NDST4: variants seen among roughly 807,000 people sequenced by gnomAD.
NDST4 encodes the protein N-heparan sulfate sulfotransferase 4.
A neutral mutation model predicts 100.8 loss-of-function variants in NDST4; 63 were observed. The observed-to-expected ratio is 0.62, with a 90% CI of 0.51 to 0.77. The LOEUF (loss-of-function observed/expected upper bound fraction) is 0.77. Ranked by LOEUF, NDST4 falls within the 30% of genes least tolerant of loss-of-function variation. The probability of loss-of-function intolerance (pLI) is 0.00; values close to 1 mark genes in which losing one functional copy is unlikely to be tolerated. For synonymous variants in NDST4, 377 were observed against 361.8 expected, an observed-to-expected ratio of 1.04 and a Z score of -0.48; for missense variants, 943 against 1,018.4, an observed-to-expected ratio of 0.93 and a Z score of 1.01.
chr4:114,858,622 C>A (rs886196121), intron 7 of NDST4, among the ~76,000 whole-genome samples: 2 of 152,170 alleles, frequency 1.3e-5, no homozygotes, highest in Middle Eastern at 3.2e-3. Context: ...TTAAGGAATA[C>A]ACTATATCAC....
chr4:114,829,812 T>A lies in NDST4; in HGVS notation c.2477A>T (p.Lys826Ile), dbSNP rs778196420. The A allele has an allele frequency of 1.6e-5, 25 of 1,611,158 alleles. No homozygotes were observed. Among genetic ancestry groups the A allele is most frequent in the Non-Finnish European group, 2.1e-5 (25 of 1,179,276 alleles). The change falls in exon 13 of 14, where the codon AAA (lysine) becomes ATA (isoleucine). Residue 826 changes from lysine (K) to isoleucine (I), a missense_variant. Physicochemically the swap from Lys to Ile is moderately radical, Grantham distance 102. Around this residue, in one of 2 missense-constraint regions of NDST4, gnomAD observed 526 missense variants for 634.1 expected, o/e 0.83. Coordinates refer to ENST00000264363, the MANE Select transcript of NDST4 (RefSeq NM_022569.3). ...TKCLGKSKGR[K>I]YPPMDPESRT... Reference sequence around the variant, plus strand: ...TACCTCTGGATCCATAGGTGGATATTTTCGGCCTTTGCTTTTTCCAAGGCA... The same window carrying A: ...TACCTCTGGATCCATAGGTGGATATATTCGGCCTTTGCTTTTTCCAAGGCA...
chr4:115,036,994 G>T lies in NDST4; in HGVS notation c.978+39065C>A, dbSNP rs76723090. ...AAAATAGCTTTTTATATATTATTTTGCTTGATAAATTATGTGTTTTAATAG... is the reference window on the plus strand; with the variant it reads ...AAAATAGCTTTTTATATATTATTTTTCTTGATAAATTATGTGTTTTAATAG... On this transcript the variant is annotated intron_variant, in intron 2 of 13. Transcript: ENST00000264363. Among the ~76,000 whole-genome samples the T allele has an allele frequency of 9.1e-3, 1,389 of 151,888 alleles. 7 individuals carry two copies. The highest frequency in any genetic ancestry group is 0.014 in the Non-Finnish European group (983 of 67,842).
chr4:114,929,863 T>C (rs1725476366), intron 6 of NDST4, among the ~76,000 whole-genome samples: 1 of 152,128 alleles, frequency 6.6e-6, no homozygotes, highest in Admixed American at 6.6e-5. Context: ...TATTGACAAA[T>C]AGACAAACAT....
At position 115,063,268 on chromosome 4, in the gene NDST4, T is replaced by C. The variant is rs576850501; in HGVS notation, c.978+12791A>G. Reference sequence around the variant, plus strand: ...GATTTATTTGGGGGAGAAAAAGTGATGGGTAGAAATCATCAATCCCAGCAA... The same window carrying C: ...GATTTATTTGGGGGAGAAAAAGTGACGGGTAGAAATCATCAATCCCAGCAA... On this transcript the variant is annotated intron_variant, in intron 2 of 13. Coordinates refer to ENST00000264363, the MANE Select transcript of NDST4 (RefSeq NM_022569.3). 3.3e-5 allele frequency among the ~76,000 whole-genome samples: 5 copies of C among 152,062 alleles called. No individual in the cohort carries two copies. The South Asian group carries it at 8.3e-4, about 25-fold the overall frequency.
At chr4:114,888,154 G>A (rs926769140) in intron 6 of NDST4, among the ~76,000 whole-genome samples, 1 of 152,010 alleles carries the variant, frequency 6.6e-6, no homozygotes, top group Non-Finnish European at 1.5e-5. Context: ...AATGAGCCGA[G>A]ATGGTGCCAC....
intron 2 of NDST4, among the ~76,000 whole-genome samples, chr4:115,001,767 G>A (rs1727294769): frequency 1.3e-5 from 2 of 152,080 alleles, no homozygotes; most frequent in Admixed American, 1.3e-4. Context: ...TGTAAATGAT[G>A]CCTTGTTTTC....
chr4:115,053,830 C>T (rs1728637737), intron 2 of NDST4, among the ~76,000 whole-genome samples: 1 of 152,104 alleles, frequency 6.6e-6, no homozygotes, highest in South Asian at 2.1e-4. Flanking sequence ...GGTTCTCTAC[C>T]TTCCTGTAAC....
chr4:115,036,829 G>A (rs899125260), intron 2 of NDST4, among the ~76,000 whole-genome samples: 4 of 151,786 alleles, frequency 2.6e-5, no homozygotes, highest in Admixed American at 6.6e-5. Context: ...GCATTACATT[G>A]ATATTAAATA....
chr4:115,102,025 A>C (rs1729740193), intron 1 of NDST4, among the ~76,000 whole-genome samples: 1 of 152,178 alleles, frequency 6.6e-6, no homozygotes, highest in Non-Finnish European at 1.5e-5. Context: ...GACATGATCA[A>C]CTTTGTCCTT....
At chr4:114,850,235 G>A (rs1723643662) in intron 8 of NDST4, among the ~76,000 whole-genome samples, 1 of 152,164 alleles carries the variant, frequency 6.6e-6, no homozygotes, top group East Asian at 1.9e-4. Context: ...ACACTTTATA[G>A]CCTCACTCAG....
intron 2 of NDST4, among the ~76,000 whole-genome samples, chr4:115,033,121 A>G (rs1322121328): frequency 1.7e-5 from 2 of 117,204 alleles, no homozygotes; most frequent in African/African-American, 3.7e-5. Context: ...CAAAAATTAT[A>G]TATATATGTG....
At chr4:115,032,511 GAA>G (rs1728136684) in intron 2 of NDST4, among the ~76,000 whole-genome samples, 1 of 152,188 alleles carries the variant, frequency 6.6e-6, no homozygotes, top group South Asian at 2.1e-4. Flanking sequence ...AACCAAAAAA[GAA>G]GAGATAATAA....
chr4:114,838,018 C>T (rs1490704115), intron 11 of NDST4, among the ~76,000 whole-genome samples: 1 of 152,146 alleles, frequency 6.6e-6, no homozygotes, highest in Non-Finnish European at 1.5e-5. Context: ...AGTATATGAA[C>T]AGACACTTCT....
At chr4:114,916,606 G>A (rs1370942751) in intron 6 of NDST4, among the ~76,000 whole-genome samples, 2 of 149,678 alleles carry the variant, frequency 1.3e-5, no homozygotes, top group Non-Finnish European at 3.0e-5. Context: ...GTGTGTGTGT[G>A]GCAGTGGAAA....
intron 2 of NDST4, among the ~76,000 whole-genome samples, chr4:115,033,123 A>C (rs1560574136): frequency 9.7e-6 from 1 of 103,124 alleles, no homozygotes; most frequent in African/African-American, 4.4e-5. Context: ...AAAATTATAT[A>C]TATATGTGTA....
chr4:115,030,784 G>A (rs1226203177), intron 2 of NDST4, among the ~76,000 whole-genome samples: 1 of 152,020 alleles, frequency 6.6e-6, no homozygotes, highest in African/African-American at 2.4e-5. Flanking sequence ...ATAAAAGGAA[G>A]AACACGTTAC....
At chr4:114,962,145 CAG>C (rs1353912888) in intron 4 of NDST4, among the ~76,000 whole-genome samples, 2 of 151,970 alleles carry the variant, frequency 1.3e-5, no homozygotes, top group African/African-American at 4.8e-5. Flanking sequence ...CATACAGAAA[CAG>C]AGACTTCTTC....
At chr4:114,948,387 G>A (rs1056957557) in intron 4 of NDST4, among the ~76,000 whole-genome samples, 3 of 150,300 alleles carry the variant, frequency 2.0e-5, no homozygotes, top group Non-Finnish European at 3.0e-5. Context: ...TTTACTACCA[G>A]GCAAAGCAGG....
intron 6 of NDST4, among the ~76,000 whole-genome samples, chr4:114,895,108 G>C (rs1560799972): frequency 6.6e-6 from 1 of 152,016 alleles, no homozygotes; most frequent in Non-Finnish European, 1.5e-5. Flanking sequence ...TAATCCAAAA[G>C]CTAGCAGAAA....
Sources: gnomAD v4.1 joint callset for allele counts (sites outside exome capture counted in the v4.1 genomes callset) on GRCh38, gnomAD v4.1.1 for gene constraint, gnomAD v4.1.1 regional missense constraint, MANE v1.5 for transcripts, NCBI Gene and HGNC (gene_info 2026-07-23, HGNC 2026-07-21) for gene names.